The following NRL variants were observed in gnomAD, a reference collection of about 807,000 sequenced individuals.
NRL encodes neural retina-specific leucine zipper protein.
In NRL, 16 loss-of-function variants were observed where a neutral mutation model predicts 12.5. That is an observed-to-expected ratio of 1.28 (90% CI 0.87 to 1.95). The LOEUF (loss-of-function observed/expected upper bound fraction) is 1.95. Among genes scored for constraint, NRL ranks in the 30% most tolerant of loss-of-function variants. NRL has a pLI of 0.00. For synonymous variants in NRL, 142 were observed against 150.9 expected (o/e 0.94, Z 0.43); for missense variants, 314 against 325.8 (o/e 0.96, Z 0.28).
chr14:24,094,734 C>T lies in NRL; in HGVS notation c.-27-11859G>A. 6.7e-7 allele frequency: 1 copy of T among 1,483,952 alleles called. No individual in the cohort carries two copies. The highest frequency in any genetic ancestry group is 9.0e-7 in the Non-Finnish European group (1 of 1,113,924). The allele number at this position is 1,483,952 out of a possible 1,614,324, so 91.9% of individuals were successfully genotyped here. The stretch of plus-strand genomic sequence containing the variant: ...CTCTCCTCGCTCCTCTCTGCTGAGC[C>T]AGGTCTCCGCATATCCTCCTTTCCT... On this transcript the variant is annotated intron_variant, in intron 1 of 2. Coordinates refer to ENST00000561028, the MANE Select transcript of NRL (RefSeq NM_001354768.3). This position sits in a 1 kb window ranked among gnomAD's most constrained non-coding sequence, Gnocchi z 4.1.
chr14:24,093,901 A>C (rs1389304971), intron 1 of NRL, among the ~76,000 whole-genome samples: 1 of 152,116 alleles, frequency 6.6e-6, no homozygotes, highest in Non-Finnish European at 1.5e-5. Context: ...CCCCAGGAGG[A>C]GGAACTGGAA....
chr14:24,113,912 C>G (rs2037471397), intron 1 of NRL, among the ~76,000 whole-genome samples: 1 of 152,258 alleles, frequency 6.6e-6, no homozygotes, highest in Non-Finnish European at 1.5e-5. Flanking sequence ...AGCTCGGACC[C>G]TGAGCCTCTG....
chr14:24,097,284 C>T, intron 1 of NRL: 2 of 754,628 alleles, frequency 2.7e-6, no homozygotes, highest in Non-Finnish European at 4.3e-6. Context: ...CTGGGATTTG[C>T]TTACGCCTAT....
intron 1 of NRL, among the ~76,000 whole-genome samples, chr14:24,091,158 T>A (rs2036619861): frequency 6.7e-6 from 1 of 149,582 alleles, no homozygotes; most frequent in African/African-American, 2.5e-5. Flanking sequence ...TGTGTGTGTG[T>A]GTGTGTGTTA....
At chr14:24,099,319 C>A in intron 1 of NRL, 1 of 1,346,246 alleles carries the variant, frequency 7.4e-7, no homozygotes, top group African/African-American at 1.4e-5. Flanking sequence ...CCTCACCTCC[C>A]TCCTGCCAGG....
chr14:24,081,193 AC>A lies in NRL; in HGVS notation c.*42del. On this transcript the variant is annotated 3_prime_UTR_variant, in exon 3 of 3. Coordinates refer to ENST00000561028, the MANE Select transcript of NRL (RefSeq NM_001354768.3). The surrounding 1 kb of genome is among the most constrained non-coding windows in gnomAD (Gnocchi z 4.4). ...GTGCAGCCGCCTCCTGGGCGGAGCC[AC>A]CCCACCCAGCCCCCACTACACCACA... is the stretch of plus-strand genomic sequence containing the variant. 1 of 1,317,756 alleles carries A rather than the reference AC, an allele frequency of 7.6e-7. No homozygotes were observed. Among genetic ancestry groups the A allele is most frequent in the Non-Finnish European group, 9.9e-7 (1 of 1,009,596 alleles). 81.6% of individuals were successfully genotyped at this position (1,317,756 alleles called of 1,614,324 possible).
chr14:24,097,272 A>G, intron 1 of NRL: 1 of 819,560 alleles, frequency 1.2e-6, no homozygotes, highest in Non-Finnish European at 1.9e-6. Context: ...CAGACCCAGA[A>G]ACTGGGATTT....
intron 1 of NRL, among the ~76,000 whole-genome samples, chr14:24,092,038 C>T (rs4982855): frequency 0.99 from 151,304 of 152,344 alleles, 75,135 homozygotes; most frequent in East Asian, 1. Flanking sequence ...TCTTTAAGCC[C>T]GTGTCCACAT....
At chr14:24,082,373 C>T in intron 2 of NRL, 95 bp downstream of exon 2, 1 of 1,512,000 alleles carries the variant, frequency 6.6e-7, no homozygotes, top group Non-Finnish European at 9.2e-7. Context: ...TCCCCTGTCC[C>T]AGTCCATAAC....
chr14:24,090,715 C>A (rs2036601313), intron 1 of NRL, among the ~76,000 whole-genome samples: 1 of 152,198 alleles, frequency 6.6e-6, no homozygotes, highest in African/African-American at 2.4e-5. Context: ...CCTGGTGGTA[C>A]TCCTTGGACA....
chr14:24,112,768 T>G (rs2037439622), intron 1 of NRL, among the ~76,000 whole-genome samples: 1 of 468 alleles, frequency 2.1e-3, no homozygotes, highest in African/African-American at 0.013. Context: ...GGAACACTTT[T>G]ACACTGTTGG....
chr14:24,099,785 A>G, intron 1 of NRL: 1 of 1,530,618 alleles, frequency 6.5e-7, no homozygotes, highest in Middle Eastern at 1.7e-4. Context: ...TCTCCTCTCT[A>G]GTGTTCACAA....
intron 1 of NRL, chr14:24,099,018 G>A (rs1383860503): frequency 6.4e-7 from 1 of 1,559,858 alleles, no homozygotes; most frequent in Admixed American, 1.7e-5. Flanking sequence ...TGATGCTGCT[G>A]CCAGCAGCCC....
At chr14:24,090,973 CAA>C (rs1322799236) in intron 1 of NRL, among the ~76,000 whole-genome samples, 1 of 152,130 alleles carries the variant, frequency 6.6e-6, no homozygotes, top group Non-Finnish European at 1.5e-5. Flanking sequence ...AGGAGAAAAA[CAA>C]GACTGAAATC....
chr14:24,093,889 G>A (rs1384564267), intron 1 of NRL, among the ~76,000 whole-genome samples: 1 of 152,130 alleles, frequency 6.6e-6, no homozygotes, highest in Non-Finnish European at 1.5e-5. Flanking sequence ...AGGGTGTCGC[G>A]TCCCCAGGAG....
In NRL at chr14:24,082,751, C is replaced by G; in HGVS notation, c.98G>C (p.Gly33Ala). Residue 33 changes from glycine to alanine, a missense_variant, in exon 2 of 3, where the codon GGC becomes GCC. Transcript: ENST00000561028. ...VKREPSEGRP[G>A]PPTASLGSTP... is the part of the protein sequence containing the mutation. ...GGAGCCCAGTGAGGCTGTAGGGGGG[C>G]CAGGTCGGCCCTCAGAGGGTTCCCG... 6.2e-7 allele frequency: 1 copy of G among 1,614,186 alleles called. No individual in the cohort carries two copies. The highest frequency in any genetic ancestry group is 8.5e-7 in the Non-Finnish European group (1 of 1,180,028).
Position 24,094,465 on chromosome 14 carries a change from C to G in NRL, c.-27-11590G>C. The G allele has an allele frequency of 1.3e-6, 2 of 1,513,126 alleles. No homozygotes were observed. The highest frequency in any genetic ancestry group is 2.5e-5 in the South Asian group (2 of 80,808). 93.7% of individuals were successfully genotyped at this position (1,513,126 alleles called of 1,614,324 possible). A position where few individuals can be genotyped will look rare whatever the true frequency, so the allele number is the denominator to read the frequency against. ...TGACCCCCGGCCCGGGGCCCACCCGCACCTTCCGCTGCGCTCGCCCCCTCG... is the reference window on the plus strand; with the variant it reads ...TGACCCCCGGCCCGGGGCCCACCCGGACCTTCCGCTGCGCTCGCCCCCTCG... On this transcript the variant is annotated intron_variant, in intron 1 of 2. Transcript: ENST00000561028. The surrounding 1 kb of genome is among the most constrained non-coding windows in gnomAD (Gnocchi z 4.1).
intron 1 of NRL, among the ~76,000 whole-genome samples, chr14:24,097,860 C>T (rs886952886): frequency 1.8e-4 from 27 of 152,236 alleles, no homozygotes; most frequent in African/African-American, 6.5e-4. Context: ...TCCCAAAGTG[C>T]TGGGATTACA....
At chr14:24,091,119 C>CTGTGTGTGTG (rs55656236) in intron 1 of NRL, among the ~76,000 whole-genome samples, 19 of 138,732 alleles carry the variant, frequency 1.4e-4, no homozygotes, top group South Asian at 1.2e-3. Context: ...CAGAAAAGGC[C>CTGTGTGTGTG]TGTGTGTGTG....
Sources: allele counts gnomAD v4.1 joint callset (sites outside exome capture counted in the v4.1 genomes callset), GRCh38; gene constraint gnomAD v4.1.1; non-coding constraint Gnocchi (gnomAD v3.1); transcripts MANE v1.5; gene names NCBI Gene and HGNC (gene_info 2026-07-23, HGNC 2026-07-21).